SYNPR: variants seen among roughly 807,000 people sequenced by gnomAD.
The protein encoded by SYNPR is synaptoporin.
Under a neutral mutation model 32.9 loss-of-function variants are expected in SYNPR, and 23 were observed. The ratio of observed to expected loss-of-function variants is 0.70; its 90% CI spans 0.50 to 0.99. The LOEUF is 0.99. SYNPR is among the 50% of genes least tolerant of loss of function. The pLI is 0.00. For synonymous variants in SYNPR, 146 were observed against 135.9 expected (o/e 1.07, Z -0.52); for missense variants, 318 against 349.3 (o/e 0.91, Z 0.71).
chr3:63,210,336 A>G, the SYNPR span, among the ~76,000 whole-genome samples: 1 of 152,240 alleles, frequency 6.6e-6, no homozygotes, highest in Non-Finnish European at 1.5e-5. Flanking sequence ...GCAGAAAGCC[A>G]GCAGAGTCTT....
intron 2 of SYNPR, among the ~76,000 whole-genome samples, chr3:63,295,353 T>C (rs2086783755): frequency 6.6e-6 from 1 of 152,194 alleles, no homozygotes; most frequent in African/African-American, 2.4e-5. Flanking sequence ...GCAAGAAATC[T>C]GAGGCTTAGA....
chr3:63,300,146 C>A (rs931677946), intron 2 of SYNPR, among the ~76,000 whole-genome samples: 3 of 152,026 alleles, frequency 2.0e-5, no homozygotes, highest in African/African-American at 4.8e-5. Context: ...GAGCTCTTCA[C>A]GGAGAAGTTG....
chr3:63,426,842 G>T (rs1421425224), intron 2 of SYNPR: 1 of 152,062 alleles, frequency 6.6e-6, no homozygotes, highest in Non-Finnish European at 1.5e-5. Flanking sequence ...TTTTTCCACT[G>T]CAGGGCAGTT....
At chr3:63,219,935 T>C in the SYNPR span, among the ~76,000 whole-genome samples, 1 of 152,152 alleles carries the variant, frequency 6.6e-6, no homozygotes, top group African/African-American at 2.4e-5. Context: ...AGTGGATCCA[T>C]ACAGTTCAGA....
intron 3 of SYNPR, among the ~76,000 whole-genome samples, chr3:63,525,113 C>T (rs941757252): frequency 2.0e-5 from 3 of 152,162 alleles, no homozygotes; most frequent in Non-Finnish European, 4.4e-5. Context: ...ATAGTGCCTT[C>T]TCAATGCAAG....
chr3:63,379,372 C>A (rs1364946399), intron 2 of SYNPR, among the ~76,000 whole-genome samples: 2 of 152,038 alleles, frequency 1.3e-5, no homozygotes, highest in East Asian at 1.9e-4. Flanking sequence ...ATTATCCTTG[C>A]CCTTTTTCTT....
At chr3:63,597,135 A>G (rs1007585597) in intron 4 of SYNPR, among the ~76,000 whole-genome samples, 2 of 152,158 alleles carry the variant, frequency 1.3e-5, no homozygotes, top group Non-Finnish European at 2.9e-5. Context: ...TTAAAGCTTA[A>G]AATTACATAT....
intron 2 of SYNPR, among the ~76,000 whole-genome samples, chr3:63,290,638 A>G (rs1157972328): frequency 6.6e-6 from 1 of 152,208 alleles, no homozygotes; most frequent in East Asian, 1.9e-4. Context: ...CGTTGTTGAA[A>G]CATGCAGATA....
At chr3:63,249,768 C>T (rs946935047) in intron 1 of SYNPR, among the ~76,000 whole-genome samples, 2 of 152,052 alleles carry the variant, frequency 1.3e-5, no homozygotes, top group Non-Finnish European at 2.9e-5. Flanking sequence ...GACATATATA[C>T]GTGTAATAAG....
chr3:63,268,536 A>G (rs1320228999), intron 3 of SYNPR, among the ~76,000 whole-genome samples: 1 of 152,188 alleles, frequency 6.6e-6, no homozygotes, highest in African/African-American at 2.4e-5. Flanking sequence ...TATTCTTACA[A>G]TGAAGTAAGC....
At chr3:63,419,817 TAACAC>T (rs1404851904) in intron 2 of SYNPR, among the ~76,000 whole-genome samples, 2 of 152,212 alleles carry the variant, frequency 1.3e-5, no homozygotes, top group Admixed American at 1.3e-4. Context: ...TCTTCTTTCT[TAACAC>T]AGAACAGAGA....
chr3:63,509,965 CT>C (rs10715054), intron 3 of SYNPR, among the ~76,000 whole-genome samples: 56,720 of 151,610 alleles, frequency 0.37, 10,794 homozygotes, highest in Non-Finnish European at 0.42. Context: ...TCTTTGCTTC[CT>C]TTTTTTCCTT....
At position 63,403,441 on chromosome 3, in the gene SYNPR, T is replaced by C. The variant is rs80185878; in HGVS notation, c.85-77391T>C. On this transcript the variant is annotated intron_variant, in intron 2 of 5. Coordinates refer to ENST00000478300, the MANE Select transcript of SYNPR (RefSeq NM_001130003.2). ...ACATTCTCATACGTATGTATACACATACACACACACACACACACACACACA... is the reference window on the plus strand; with the variant it reads ...ACATTCTCATACGTATGTATACACACACACACACACACACACACACACACA... 6.3e-3 allele frequency among the ~76,000 whole-genome samples: 914 copies of C among 146,004 alleles called. 2 individuals are homozygous for C. The highest frequency in any genetic ancestry group is 0.013 in the Admixed American group (183 of 14,466).
At chr3:63,398,443 A>G (rs183576285) in intron 2 of SYNPR, among the ~76,000 whole-genome samples, 1 of 152,108 alleles carries the variant, frequency 6.6e-6, no homozygotes, top group African/African-American at 2.4e-5. Context: ...ACTTTTGGCC[A>G]GGCGCGGTGG....
At chr3:63,581,496 C>T (rs760409071) in intron 4 of SYNPR, among the ~76,000 whole-genome samples, 1 of 104,332 alleles carries the variant, frequency 9.6e-6, no homozygotes, top group Non-Finnish European at 2.2e-5. Flanking sequence ...CACACGCACA[C>T]ATAAGAAAGA....
chr3:63,519,631 T>G (rs1362866194), intron 3 of SYNPR, among the ~76,000 whole-genome samples: 1 of 152,214 alleles, frequency 6.6e-6, no homozygotes, highest in Non-Finnish European at 1.5e-5. Flanking sequence ...TGAATCACAC[T>G]TGACAGATTA....
In SYNPR at chr3:63,353,745, C is replaced by T. The variant is rs193160280; in HGVS notation, c.84+75003C>T. On this transcript the variant is annotated intron_variant, in intron 2 of 5. Coordinates refer to ENST00000478300, the MANE Select transcript of SYNPR (RefSeq NM_001130003.2). ...CCTCCAGCTAGGCAAATGAAGCAGGCTTCTTAATGTTAGGAGTGATGATAT... is the reference window on the plus strand; with the variant it reads ...CCTCCAGCTAGGCAAATGAAGCAGGTTTCTTAATGTTAGGAGTGATGATAT... 3.3e-5 allele frequency among the ~76,000 whole-genome samples: 5 copies of T among 152,276 alleles called. No individual in the cohort carries two copies. The East Asian group carries it at 7.7e-4, about 23-fold the overall frequency.
intron 4 of SYNPR, among the ~76,000 whole-genome samples, chr3:63,562,050 C>T (rs1280377006): frequency 6.6e-6 from 1 of 152,100 alleles, no homozygotes; most frequent in Non-Finnish European, 1.5e-5. Context: ...TCTTCATGTA[C>T]AGATAAATAA....
intron 2 of SYNPR, among the ~76,000 whole-genome samples, chr3:63,307,762 G>A (rs2086922092): frequency 6.6e-6 from 1 of 151,990 alleles, no homozygotes; most frequent in Non-Finnish European, 1.5e-5. Flanking sequence ...CGTAAAAGAG[G>A]TCACACATTG....
Sources: allele counts gnomAD v4.1 joint callset (sites outside exome capture counted in the v4.1 genomes callset), GRCh38; gene constraint gnomAD v4.1.1; transcripts MANE v1.5; gene names NCBI Gene and HGNC (gene_info 2026-07-23, HGNC 2026-07-21).